GNAO1: variants seen among roughly 807,000 people sequenced by gnomAD.
The protein encoded by GNAO1 is guanine nucleotide-binding protein G(o) subunit alpha.
For missense variants in GNAO1, 166 were observed against 478.7 expected, an observed-to-expected ratio of 0.35 and a Z score of 6.10; for synonymous variants, 164 against 180.7, an observed-to-expected ratio of 0.91 and a Z score of 0.74.
At chr16:56,240,134 A>G (rs1431469508) in intron 2 of GNAO1, among the ~76,000 whole-genome samples, 3 of 152,134 alleles carry the variant, frequency 2.0e-5, no homozygotes, top group Non-Finnish European at 2.9e-5. Flanking sequence ...GTAATCTTAC[A>G]ATGGAGATGG....
chr16:56,231,270 G>A (rs542554664), intron 2 of GNAO1, among the ~76,000 whole-genome samples: 1 of 152,296 alleles, frequency 6.6e-6, no homozygotes, highest in Admixed American at 6.5e-5. Context: ...TAGGCTCAGA[G>A]CAGACTCACC....
chr16:56,257,798 A>T (rs1012806225), intron 2 of GNAO1, among the ~76,000 whole-genome samples: 2 of 152,208 alleles, frequency 1.3e-5, no homozygotes, highest in African/African-American at 2.4e-5. Flanking sequence ...TCTGTGAAGG[A>T]GTCCTAATGC....
chr16:56,284,056 T>C (rs1237626754), intron 3 of GNAO1, among the ~76,000 whole-genome samples: 2 of 152,226 alleles, frequency 1.3e-5, no homozygotes, highest in East Asian at 1.9e-4. Context: ...CCCAGCCAAT[T>C]TGGGGACTCA....
intron 2 of GNAO1, among the ~76,000 whole-genome samples, chr16:56,204,588 G>C (rs1224011081): frequency 1.3e-5 from 2 of 152,196 alleles, no homozygotes; most frequent in African/African-American, 4.8e-5. Context: ...TCCCCAGGAA[G>C]GGAATGTGCT....
At chr16:56,254,571 C>T (rs2036829075) in intron 2 of GNAO1, among the ~76,000 whole-genome samples, 1 of 152,042 alleles carries the variant, frequency 6.6e-6, no homozygotes, top group Non-Finnish European at 1.5e-5. Flanking sequence ...TTATTTTAAT[C>T]AGTTTTCTTA....
intron 3 of GNAO1, among the ~76,000 whole-genome samples, chr16:56,298,072 C>T (rs1356016004): frequency 6.6e-6 from 1 of 151,338 alleles, no homozygotes; most frequent in Non-Finnish European, 1.5e-5. Flanking sequence ...CTGGGGAGGC[C>T]GAGGTGGGAG....
intron 2 of GNAO1, among the ~76,000 whole-genome samples, chr16:56,212,359 CCTT>C (rs1315441839): frequency 3.5e-4 from 53 of 152,296 alleles, no homozygotes; most frequent in African/African-American, 1.3e-3. Context: ...CAGATTCTCA[CCTT>C]CTCCTCCACC....
chr16:56,332,993 C>T (rs2037704209), intron 4 of GNAO1, among the ~76,000 whole-genome samples: 2 of 152,286 alleles, frequency 1.3e-5, no homozygotes, highest in African/African-American at 4.8e-5. Context: ...AGGCCGGGGG[C>T]GTGTACAGGT....
intron 3 of GNAO1, among the ~76,000 whole-genome samples, chr16:56,296,636 C>G (rs528347630): frequency 6.6e-6 from 1 of 152,184 alleles, no homozygotes; most frequent in Non-Finnish European, 1.5e-5. Flanking sequence ...CACCCTCACC[C>G]TAGAACCTGC....
intron 6 of GNAO1, chr16:56,347,826 G>A (rs1470713578): frequency 2.1e-6 from 2 of 953,800 alleles, no homozygotes; most frequent in African/African-American, 2.1e-5. Context: ...TACTCCCACA[G>A]CTCTGGGCAG....
At position 56,259,586 on chromosome 16, in the gene GNAO1, C is replaced by T. The variant is rs1281234347; in HGVS notation, c.162-16345C>T. On this transcript the variant is annotated intron_variant, in intron 2 of 8. Transcript: ENST00000262493. ...TGGTGATCCCGACAGTGTCAGAGCT[C>T]TCCCTAGACAGTCTTCATCCATGCA... 2.0e-5 allele frequency among the ~76,000 whole-genome samples: 3 copies of T among 152,232 alleles called. 1 individual carries two copies. Among genetic ancestry groups the T allele is most frequent in the African/African-American group, 4.8e-5 (2 of 41,462 alleles).
At chr16:56,269,806 A>G (rs1278053441) in intron 2 of GNAO1, among the ~76,000 whole-genome samples, 1 of 152,162 alleles carries the variant, frequency 6.6e-6, no homozygotes, top group African/African-American at 2.4e-5. Flanking sequence ...TTGGGGGGGA[A>G]ACTGTATGTG....
At chr16:56,292,526 T>C (rs1021433303) in intron 3 of GNAO1, among the ~76,000 whole-genome samples, 2 of 152,160 alleles carry the variant, frequency 1.3e-5, no homozygotes, top group Non-Finnish European at 2.9e-5. Context: ...CATACCCAGC[T>C]AATTTTTGTA....
chr16:56,197,809 A>G lies in GNAO1; in HGVS notation c.161+5193A>G, dbSNP rs151006232. On this transcript the variant is annotated intron_variant, in intron 2 of 8. Coordinates refer to ENST00000262493, the MANE Select transcript of GNAO1 (RefSeq NM_020988.3). ...TGCTAAAGATAGGACAAGATCACTC[A>G]TGTTTTTCAGCTGCTCACAATACCC... Among the ~76,000 whole-genome samples, 469 of 152,318 alleles carry G rather than the reference A, an allele frequency of 3.1e-3. 4 individuals are homozygous for G. The highest frequency in any genetic ancestry group is 0.011 in the African/African-American group (438 of 41,576).
intron 2 of GNAO1, among the ~76,000 whole-genome samples, chr16:56,261,560 G>A (rs2036903627): frequency 6.6e-6 from 1 of 152,202 alleles, no homozygotes; most frequent in African/African-American, 2.4e-5. Flanking sequence ...TTTCCAGGCT[G>A]GCTAGGTCTG....
At chr16:56,260,409 C>T (rs117864941) in intron 2 of GNAO1, among the ~76,000 whole-genome samples, 2,635 of 152,284 alleles carry the variant, frequency 0.017, 46 homozygotes, top group South Asian at 0.051. Context: ...GCTTGATTCA[C>T]ACTGAAAATT....
chr16:56,302,194 TTCTAGAA>T (rs1167918957), intron 3 of GNAO1: 6 of 152,024 alleles, frequency 3.9e-5, no homozygotes, highest in African/African-American at 1.5e-4. Context: ...GTTCCCTGGG[TTCTAGAA>T]TCTTGATAGC....
chr16:56,263,347 T>C (rs1381341083), intron 2 of GNAO1, among the ~76,000 whole-genome samples: 1 of 152,204 alleles, frequency 6.6e-6, no homozygotes, highest in African/African-American at 2.4e-5. Context: ...CCAGCATTGA[T>C]TGATCATTCG....
chr16:56,301,420 T>C (rs2037342299), intron 3 of GNAO1, among the ~76,000 whole-genome samples: 3 of 152,206 alleles, frequency 2.0e-5, no homozygotes. Context: ...AAACCCCAGC[T>C]CTTGCTTCCA....
Sources: allele counts gnomAD v4.1 joint callset (sites outside exome capture counted in the v4.1 genomes callset), GRCh38; gene constraint gnomAD v4.1.1; transcripts MANE v1.5; gene names NCBI Gene and HGNC (gene_info 2026-07-23, HGNC 2026-07-21).